The following CEP20 variants were observed in gnomAD, a reference collection of about 807,000 sequenced individuals.
The protein encoded by CEP20 is FGFR1OP N-terminal like.
CEP20 carries 18 observed loss-of-function variants against 20.0 expected under a neutral mutation model. The observed-to-expected ratio is 0.90, with a 90% CI of 0.62 to 1.34. CEP20 has a LOEUF of 1.34. Among genes scored for constraint, CEP20 ranks in the 40% most tolerant of loss-of-function variants. CEP20 has a pLI of 0.00. For missense variants in CEP20, 215 were observed against 201.6 expected (o/e 1.07, Z -0.40); for synonymous variants, 77 against 73.7 (o/e 1.04, Z -0.23).
intron 1 of CEP20, among the ~76,000 whole-genome samples, chr16:15,886,605 C>T (rs1365467655): frequency 6.6e-6 from 1 of 152,184 alleles, no homozygotes; most frequent in African/African-American, 2.4e-5. Flanking sequence ...CTCATCAGCA[C>T]CTCAGTGGTG....
chr16:15,876,651 T>C (rs1223948034), intron 3 of CEP20, among the ~76,000 whole-genome samples: 5 of 152,064 alleles, frequency 3.3e-5, no homozygotes, highest in Non-Finnish European at 7.4e-5. Flanking sequence ...TTTTCAAACA[T>C]GTATCTGGCC....
chr16:15,876,062 C>T (rs1379809485), intron 3 of CEP20, among the ~76,000 whole-genome samples: 3 of 140,140 alleles, frequency 2.1e-5, no homozygotes, highest in African/African-American at 5.3e-5. Context: ...CATGTCATTG[C>T]ACTCAAAAAA....
chr16:15,888,080 A>G (rs1296519370), intron 1 of CEP20, among the ~76,000 whole-genome samples: 1 of 150,142 alleles, frequency 6.7e-6, no homozygotes, highest in Admixed American at 6.6e-5. Context: ...TCTCTTTAAA[A>G]AAAAAAAAAA....
intron 3 of CEP20, among the ~76,000 whole-genome samples, chr16:15,874,983 T>C (rs2044908484): frequency 6.6e-6 from 1 of 152,164 alleles, no homozygotes; most frequent in South Asian, 2.1e-4. Flanking sequence ...TGGAAGCAGA[T>C]AGTTCAGCCA....
At chr16:15,873,306 C>T (rs1596992009) in intron 4 of CEP20, among the ~76,000 whole-genome samples, 185 bp downstream of exon 4, 1 of 152,050 alleles carries the variant, frequency 6.6e-6, no homozygotes, top group East Asian at 1.9e-4. Context: ...ATGCCTCCCA[C>T]CCTTCCCTGT....
At chr16:15,871,608 G>A (rs915999952) in intron 4 of CEP20, among the ~76,000 whole-genome samples, 2 of 152,170 alleles carry the variant, frequency 1.3e-5, no homozygotes, top group Admixed American at 6.5e-5. Context: ...GCAATCAAAT[G>A]TGCTGATTCT....
At chr16:15,883,714 T>C (rs1404989836) in intron 2 of CEP20, among the ~76,000 whole-genome samples, 1 of 152,178 alleles carries the variant, frequency 6.6e-6, no homozygotes, top group Non-Finnish European at 1.5e-5. Flanking sequence ...TAAAGCTTAA[T>C]ACACAGGAAA....
chr16:15,873,370 T>C (rs1173215248), intron 4 of CEP20, 121 bp downstream of exon 4: 3 of 1,188,318 alleles, frequency 2.5e-6, no homozygotes, highest in East Asian at 2.5e-5. Context: ...AGGCTAGACA[T>C]ATTAGATATA....
At chr16:15,883,517 C>A (rs1308123044) in intron 2 of CEP20, among the ~76,000 whole-genome samples, 1 of 152,042 alleles carries the variant, frequency 6.6e-6, no homozygotes, top group East Asian at 1.9e-4. Flanking sequence ...AGACACGTGC[C>A]ACCATGCATG....
In CEP20 at chr16:15,870,537, T is replaced by C. The variant is rs192277003; in HGVS notation, c.448+2954A>G. ...TGTTACATCACAATACTGTAATGTGTGGACAAAGATACAATGTTACATCAC... is the reference window on the plus strand; with the variant it reads ...TGTTACATCACAATACTGTAATGTGCGGACAAAGATACAATGTTACATCAC... On this transcript the variant is annotated intron_variant, in intron 4 of 4. Transcript: ENST00000255759. Among the ~76,000 whole-genome samples the C allele has an allele frequency of 1.6e-3, 249 of 152,186 alleles. 5 individuals carry two copies. The highest frequency in any genetic ancestry group is 2.1e-4 in the South Asian group (1 of 4,812).
intron 2 of CEP20, among the ~76,000 whole-genome samples, chr16:15,882,765 A>G (rs192953533): frequency 1.3e-4 from 14 of 105,896 alleles, no homozygotes; most frequent in Admixed American, 5.9e-4. Context: ...CTATCTATCT[A>G]TCTATCTATC....
chr16:15,873,422 A>AAAAGAAAAATATATAG, intron 4 of CEP20, 69 bp downstream of exon 4: 1 of 1,555,306 alleles, frequency 6.4e-7, no homozygotes, highest in East Asian at 2.3e-5. Context: ...TAAAGACTCC[A>AAAAGAAAAATATATAG]AAAGAAAAAT....
chr16:15,866,549 A>G lies in CEP20; in HGVS notation c.*891T>C, dbSNP rs1215089141. 1 of 152,226 alleles carries G rather than the reference A, an allele frequency of 6.6e-6. No individual in the cohort carries two copies. 9.4% of individuals were successfully genotyped at this position (152,226 alleles called of 1,614,324 possible). ...CATACTATTTTTCTATCCCAAGAAT[A>G]AAAATTGATGTTTGGTAAGAGTTTC... On this transcript the variant is annotated 3_prime_UTR_variant, in exon 5 of 5. Coordinates refer to ENST00000255759, the MANE Select transcript of CEP20 (RefSeq NM_144600.4).
chr16:15,882,319 A>T (rs2045117870), intron 2 of CEP20, among the ~76,000 whole-genome samples: 1 of 152,182 alleles, frequency 6.6e-6, no homozygotes, highest in Non-Finnish European at 1.5e-5. Context: ...AGGAGGGCGG[A>T]TCACGAGGTC....
intron 4 of CEP20, among the ~76,000 whole-genome samples, chr16:15,870,726 G>A (rs763844363): frequency 2.0e-5 from 3 of 152,020 alleles, no homozygotes; most frequent in Non-Finnish European, 4.4e-5. Flanking sequence ...GATGTGGAAA[G>A]ACTGATCCCA....
chr16:15,878,151 CAG>C (rs1286382613), intron 3 of CEP20, among the ~76,000 whole-genome samples: 3 of 151,902 alleles, frequency 2.0e-5, no homozygotes, highest in African/African-American at 7.2e-5. Context: ...ACAGGGCCAA[CAG>C]AAAGGAAAGA....
intron 2 of CEP20, among the ~76,000 whole-genome samples, chr16:15,882,774 T>TACACA (rs879853404): frequency 2.9e-5 from 2 of 68,544 alleles, no homozygotes; most frequent in Non-Finnish European, 5.5e-5. Context: ...TATCTATCTA[T>TACACA]CTATCTAGAT....
chr16:15,867,483 G>C lies in CEP20; in HGVS notation c.482C>G (p.Thr161Ser). ...DHLRKEEQKS[T>S]NIEDLHVSQA... ...AGAAACATGAAGATCTTCAATGTTA[G>C]TACTTTTCTGTTCCTCCTTTCTTAG... The change falls in exon 5 of 5, where the codon ACT becomes AGT. Residue 161 changes from threonine to serine, a missense_variant. Coordinates refer to ENST00000255759, the MANE Select transcript of CEP20 (RefSeq NM_144600.4). 6.2e-7 allele frequency: 1 copy of C among 1,604,804 alleles called. No individual in the cohort carries two copies.
At chr16:15,876,036 T>A (rs1055232871) in intron 3 of CEP20, among the ~76,000 whole-genome samples, 7 of 148,998 alleles carry the variant, frequency 4.7e-5, no homozygotes, top group South Asian at 4.2e-4. Context: ...AGGCAGAGGT[T>A]GCAGTGAGCT....
Sources: gnomAD v4.1 joint callset for allele counts (sites outside exome capture counted in the v4.1 genomes callset) on GRCh38, gnomAD v4.1.1 for gene constraint, MANE v1.5 for transcripts, NCBI Gene and HGNC (gene_info 2026-07-23, HGNC 2026-07-21) for gene names.